VSTM2B: variants seen among roughly 807,000 people sequenced by gnomAD.
VSTM2B encodes the protein V-set and transmembrane domain containing 2B, also known as V-set and transmembrane domain-containing protein 2B.
A neutral mutation model predicts 24.0 loss-of-function variants in VSTM2B; 24 were observed. The ratio of observed to expected loss-of-function variants is 1.00; its 90% CI spans 0.72 to 1.40. VSTM2B has a LOEUF of 1.40. Ranked by LOEUF, VSTM2B falls within the 40% of genes most tolerant of loss-of-function variation. VSTM2B has a pLI of 0.00. For synonymous variants in VSTM2B, 226 were observed against 194.4 expected (o/e 1.16, Z -1.35); for missense variants, 399 against 416.4 (o/e 0.96, Z 0.36).
chr19:29,526,604 C>T lies in VSTM2B; in HGVS notation c.21C>T (p.Leu7=), dbSNP rs1371029469. 3 of 1,528,002 alleles carry T rather than the reference C, an allele frequency of 2.0e-6. No homozygotes were observed. The highest frequency in any genetic ancestry group is 2.8e-5 in the African/African-American group (2 of 71,964). 94.7% of individuals were successfully genotyped at this position (1,528,002 alleles called of 1,614,324 possible). Residue 7 remains leucine (L), a synonymous_variant, in exon 1 of 5, where the codon CTC becomes CTT. Transcript: ENST00000335523. The surrounding 1 kb of genome is among the most constrained non-coding windows in gnomAD (Gnocchi z 4.1). MEQRNR[L]GALGYLPPLL... Reference sequence around the variant, plus strand: ...GGGAGATGGAACAGCGGAACCGGCTCGGTGCCCTCGGATACCTGCCGCCTC... The same window carrying T: ...GGGAGATGGAACAGCGGAACCGGCTTGGTGCCCTCGGATACCTGCCGCCTC...
Position 29,526,693 on chromosome 19 carries a change from TG to T in VSTM2B, c.82+30del. 1 of 1,520,512 alleles carries T rather than the reference TG, an allele frequency of 6.6e-7. No homozygotes were observed. The highest frequency in any genetic ancestry group is 1.2e-5 in the South Asian group (1 of 82,280). The allele number at this position is 1,520,512 out of a possible 1,614,324, so 94.2% of individuals were successfully genotyped here. A position where few individuals can be genotyped will look rare whatever the true frequency, so the allele number is the denominator to read the frequency against. ...GAGCGCGGGAACTTTGCTGCCGCTG[TG>T]GACTCGGGGGGGTCTTTGCTGGGGC... On this transcript the variant is annotated intron_variant, in intron 1 of 4. Coordinates refer to ENST00000335523, the MANE Select transcript of VSTM2B (RefSeq NM_001146339.2). The surrounding 1 kb of genome is among the most constrained non-coding windows in gnomAD (Gnocchi z 4.1).
At chr19:29,541,809 G>C (rs1019553963) in intron 4 of VSTM2B, among the ~76,000 whole-genome samples, 1 of 151,538 alleles carries the variant, frequency 6.6e-6, no homozygotes, top group African/African-American at 2.4e-5. Flanking sequence ...GGGTGAATGA[G>C]TGGGAGAATG....
rs139251961 is a variant in VSTM2B, at chr19:29,539,571, C to T, written c.769+9281C>T. On this transcript the variant is annotated intron_variant, in intron 4 of 4. Transcript: ENST00000335523. ...GAGAGCCACCTATGTCAGGGAGTGC[C>T]CCACAGGGATGGGCCTTTTGGGGAC... Among the ~76,000 whole-genome samples the T allele has an allele frequency of 2.2e-4, 34 of 152,272 alleles. No homozygotes were observed. The East Asian group carries it at 6.4e-3, about 29-fold the overall frequency.
chr19:29,556,898 GA>G, intron 4 of VSTM2B, among the ~76,000 whole-genome samples: 1 of 152,220 alleles, frequency 6.6e-6, no homozygotes, highest in East Asian at 1.9e-4. Flanking sequence ...CAAACAAATG[GA>G]AAAACATTCC....
At chr19:29,534,307 C>T (rs968090220) in intron 4 of VSTM2B, among the ~76,000 whole-genome samples, 2 of 152,180 alleles carry the variant, frequency 1.3e-5, no homozygotes, top group Non-Finnish European at 2.9e-5. Flanking sequence ...TCCCTTTGGC[C>T]AAACCCTCCT....
intron 4 of VSTM2B, among the ~76,000 whole-genome samples, chr19:29,558,879 T>A (rs545318461): frequency 7.9e-5 from 12 of 152,274 alleles, no homozygotes; most frequent in South Asian, 2.1e-4. Context: ...AAAATTTTTT[T>A]AAAAAGAAAC....
Position 29,526,073 on chromosome 19 carries a change from C to A in VSTM2B, c.-511C>A, listed in dbSNP as rs1441021957. 6.6e-6 allele frequency among the ~76,000 whole-genome samples: 1 copy of A among 151,938 alleles called. No homozygotes were observed. Among genetic ancestry groups the A allele is most frequent in the Non-Finnish European group, 1.5e-5 (1 of 67,954 alleles). On this transcript the variant is annotated 5_prime_UTR_variant, in exon 1 of 5. Coordinates refer to ENST00000335523, the MANE Select transcript of VSTM2B (RefSeq NM_001146339.2). This position sits in a 1 kb window ranked among gnomAD's most constrained non-coding sequence, Gnocchi z 4.1. ...TGGGTCGGACGCCAGGTCTGCGCGC[C>A]GCGGCTGAGCGCCCACTCGCCCTGC...
chr19:29,553,168 A>C (rs1319399089), intron 4 of VSTM2B, among the ~76,000 whole-genome samples: 2 of 146,586 alleles, frequency 1.4e-5, no homozygotes, highest in Non-Finnish European at 3.0e-5. Context: ...CCCCCACAAC[A>C]GGGGTCACCA....
intron 4 of VSTM2B, among the ~76,000 whole-genome samples, chr19:29,555,569 C>G (rs1970387277): frequency 6.6e-6 from 1 of 151,700 alleles, no homozygotes; most frequent in Admixed American, 6.6e-5. Context: ...CAGAGTGGAA[C>G]TAAAGGAAAC....
At chr19:29,539,238 G>A (rs373175712) in intron 4 of VSTM2B, among the ~76,000 whole-genome samples, 4 of 152,284 alleles carry the variant, frequency 2.6e-5, no homozygotes, top group East Asian at 3.9e-4. Context: ...TGCTAACAGG[G>A]CTCCTGGGGA....
At chr19:29,529,213 G>A (rs1969665263) in intron 3 of VSTM2B, 2 of 891,464 alleles carry the variant, frequency 2.2e-6, no homozygotes, top group African/African-American at 3.6e-5. Context: ...GCGGAAAGGC[G>A]GGTTGGTAGC....
At chr19:29,541,919 G>A (rs924806530) in intron 4 of VSTM2B, among the ~76,000 whole-genome samples, 1 of 151,690 alleles carries the variant, frequency 6.6e-6, no homozygotes, top group Admixed American at 6.6e-5. Context: ...GGGTAGATGG[G>A]TGGGTGGATG....
chr19:29,558,658 A>G (rs988401271), intron 4 of VSTM2B, among the ~76,000 whole-genome samples: 1 of 152,230 alleles, frequency 6.6e-6, no homozygotes, highest in Non-Finnish European at 1.5e-5. Context: ...GCAGCTGAAC[A>G]ATGAGAACAC....
chr19:29,542,508 G>T (rs1266787403), intron 4 of VSTM2B, among the ~76,000 whole-genome samples: 1 of 151,876 alleles, frequency 6.6e-6, no homozygotes, highest in Non-Finnish European at 1.5e-5. Flanking sequence ...TGGGTAGATA[G>T]GTAGATGGAT....
intron 4 of VSTM2B, 68 bp from the exon 5 acceptor site, chr19:29,563,778 G>A (rs1264483615): frequency 4.2e-6 from 6 of 1,416,320 alleles, no homozygotes; most frequent in Admixed American, 3.9e-5. Flanking sequence ...ACTGTTCCTG[G>A]TCTGCTGTGA....
intron 4 of VSTM2B, among the ~76,000 whole-genome samples, chr19:29,533,608 C>A (rs574211077): frequency 6.6e-6 from 1 of 151,862 alleles, no homozygotes; most frequent in South Asian, 2.1e-4. Flanking sequence ...GGATGGCAGA[C>A]CTGTCATTCA....
chr19:29,529,471 G>A (rs889431274), intron 3 of VSTM2B, among the ~76,000 whole-genome samples: 1 of 152,338 alleles, frequency 6.6e-6, no homozygotes, highest in Admixed American at 6.5e-5. Flanking sequence ...TCCTGAAGGT[G>A]CAGGAGGGAG....
At chr19:29,543,291 C>T (rs923826055) in intron 4 of VSTM2B, among the ~76,000 whole-genome samples, 4 of 152,130 alleles carry the variant, frequency 2.6e-5, no homozygotes, top group Non-Finnish European at 5.9e-5. Flanking sequence ...GTGACATATC[C>T]CAGGCAGCTC....
chr19:29,551,748 C>T (rs574750679), intron 4 of VSTM2B, among the ~76,000 whole-genome samples: 6 of 152,292 alleles, frequency 3.9e-5, no homozygotes, highest in African/African-American at 1.4e-4. Context: ...AATAAACTTG[C>T]TCATGCTCCA....
Sources: gnomAD v4.1 joint callset for allele counts (sites outside exome capture counted in the v4.1 genomes callset) on GRCh38, gnomAD v4.1.1 for gene constraint, Gnocchi (gnomAD v3.1) non-coding constraint, MANE v1.5 for transcripts, NCBI Gene and HGNC (gene_info 2026-07-23, HGNC 2026-07-21) for gene names.